The following CSMD1 variants were observed in gnomAD, a reference collection of about 807,000 sequenced individuals.
CSMD1 encodes CUB and sushi domain-containing protein 1.
CSMD1 carries 213 observed loss-of-function variants against 417.5 expected under a neutral mutation model. The ratio of observed to expected loss-of-function variants is 0.51; its 90% CI spans 0.46 to 0.57. The LOEUF is 0.57. Ranked by LOEUF, CSMD1 falls within the 20% of genes least tolerant of loss-of-function variation. The probability of loss-of-function intolerance (pLI) is 0.00; values close to 1 mark genes in which losing one functional copy is unlikely to be tolerated. For missense variants in CSMD1, 6,923 were observed against 4,529.7 expected, an observed-to-expected ratio of 1.53 and a Z score of -15.17; for synonymous variants, 2,862 against 1,736.8, an observed-to-expected ratio of 1.65 and a Z score of -16.11.
At chr8:3,772,891 T>A (rs538389268) in intron 5 of CSMD1, among the ~76,000 whole-genome samples, 2 of 152,076 alleles carry the variant, frequency 1.3e-5, no homozygotes, top group East Asian at 3.9e-4. Flanking sequence ...AATGAAAATA[T>A]CACAGATGAG....
chr8:4,598,494 A>G (rs965168380), intron 2 of CSMD1, among the ~76,000 whole-genome samples: 2 of 152,202 alleles, frequency 1.3e-5, no homozygotes, highest in African/African-American at 4.8e-5. Context: ...ACCACAGAAT[A>G]CCAAACTCCA....
Position 3,447,002 on chromosome 8 carries a change from A to T in CSMD1, c.1561+21710T>A, listed in dbSNP as rs183460773. Among the ~76,000 whole-genome samples the T allele has an allele frequency of 1.5e-4, 23 of 152,352 alleles. No homozygotes were observed. The East Asian group carries it at 4.2e-3, about 28-fold the overall frequency. On this transcript the variant is annotated intron_variant, in intron 12 of 69. Transcript: ENST00000635120. ...GAGTTGAAGATGTAAAGAATAAAGG[A>T]ATTGGTGAAATGTTATTTCATTTTC...
intron 3 of CSMD1, among the ~76,000 whole-genome samples, chr8:4,323,225 G>T (rs1472202798): frequency 6.6e-6 from 1 of 152,184 alleles, no homozygotes; most frequent in Non-Finnish European, 1.5e-5. Flanking sequence ...GATTGTAAGA[G>T]AAGTTAGGCA....
chr8:3,813,055 A>G lies in CSMD1; in HGVS notation c.819-59013T>C, dbSNP rs146101676. On this transcript the variant is annotated intron_variant, in intron 5 of 69. Transcript: ENST00000635120. ...GCATTTAAAAATTGAGTGTTGTATA[A>G]AGGCTGGTATACCAAGAAAATTCTA... Among the ~76,000 whole-genome samples, 217 of 151,838 alleles carry G rather than the reference A, an allele frequency of 1.4e-3. 1 individual carries two copies. The highest frequency in any genetic ancestry group is 4.5e-3 in the African/African-American group (185 of 41,378).
chr8:4,419,882 T>C (rs114000110), intron 3 of CSMD1, 71 bp downstream of exon 3: 2 of 1,064,940 alleles, frequency 1.9e-6, no homozygotes, highest in South Asian at 2.7e-5. Flanking sequence ...TTTGTCATTA[T>C]TAATCCAGTG....
intron 3 of CSMD1, among the ~76,000 whole-genome samples, chr8:4,080,681 T>C (rs1166878679): frequency 1.3e-5 from 2 of 152,116 alleles, no homozygotes; most frequent in African/African-American, 4.8e-5. Context: ...TCACTGAAAA[T>C]GGGTATTTCT....
intron 50 of CSMD1, among the ~76,000 whole-genome samples, chr8:3,031,049 T>A (rs1040413324): frequency 4.6e-5 from 7 of 151,906 alleles, no homozygotes; most frequent in Non-Finnish European, 1.0e-4. Context: ...ATAAGAAGAT[T>A]CAAATGTTTA....
At chr8:3,688,358 A>T (rs1585078049) in intron 7 of CSMD1, among the ~76,000 whole-genome samples, 1 of 152,210 alleles carries the variant, frequency 6.6e-6, no homozygotes, top group Non-Finnish European at 1.5e-5. Flanking sequence ...TTAATCATCC[A>T]GTGATATTTA....
intron 3 of CSMD1, among the ~76,000 whole-genome samples, chr8:4,187,555 A>C (rs1053150045): frequency 6.6e-6 from 1 of 151,650 alleles, no homozygotes; most frequent in African/African-American, 2.4e-5. Flanking sequence ...CAGGTAGGAG[A>C]ATCGCCTGAA....
At chr8:3,009,508 A>G (rs937092446) in intron 52 of CSMD1, among the ~76,000 whole-genome samples, 8 of 152,220 alleles carry the variant, frequency 5.3e-5, no homozygotes, top group Admixed American at 2.0e-4. Flanking sequence ...GTATTAACAA[A>G]TGGTCATAAA....
At chr8:3,926,091 A>ACACACACACACAAACAC (rs1809673442) in intron 5 of CSMD1, among the ~76,000 whole-genome samples, 2 of 42,128 alleles carry the variant, frequency 4.7e-5, no homozygotes, top group African/African-American at 5.3e-4. Context: ...ATACACACAC[A>ACACACACACACAAACAC]CACACACACA....
At chr8:3,996,154 C>A (rs941304473) in intron 5 of CSMD1, among the ~76,000 whole-genome samples, 1 of 151,556 alleles carries the variant, frequency 6.6e-6, no homozygotes. Flanking sequence ...ATCATAGGTT[C>A]TAGAATCACT....
intron 3 of CSMD1, among the ~76,000 whole-genome samples, chr8:4,337,752 G>A (rs572605535): frequency 3.1e-4 from 47 of 152,242 alleles, no homozygotes; most frequent in Non-Finnish European, 5.9e-4. Context: ...TAGTAGTACA[G>A]CCTTTACATT....
At chr8:3,901,814 C>A (rs1279815289) in intron 5 of CSMD1, among the ~76,000 whole-genome samples, 4 of 152,248 alleles carry the variant, frequency 2.6e-5, no homozygotes, top group Admixed American at 1.3e-4. Context: ...GGGGTGTTCA[C>A]AAGTATTCTT....
intron 3 of CSMD1, among the ~76,000 whole-genome samples, chr8:4,322,560 G>A (rs1006505337): frequency 3.9e-5 from 6 of 152,188 alleles, no homozygotes; most frequent in Non-Finnish European, 8.8e-5. Context: ...AAGAGAGTAA[G>A]TAAGATTTTG....
chr8:3,803,589 G>C (rs1563096368), intron 5 of CSMD1, among the ~76,000 whole-genome samples: 1 of 152,192 alleles, frequency 6.6e-6, no homozygotes, highest in Non-Finnish European at 1.5e-5. Flanking sequence ...TCATGAAGGA[G>C]AACAAAGACC....
At chr8:4,331,622 G>A (rs776051580) in intron 3 of CSMD1, among the ~76,000 whole-genome samples, 14 of 152,076 alleles carry the variant, frequency 9.2e-5, no homozygotes, top group African/African-American at 3.1e-4. Flanking sequence ...GCTTTCTTCT[G>A]TCATGAAAGC....
chr8:4,063,523 G>C (rs781279748), intron 3 of CSMD1, among the ~76,000 whole-genome samples: 8 of 152,268 alleles, frequency 5.3e-5, no homozygotes, highest in Non-Finnish European at 8.8e-5. Flanking sequence ...GTGTGCCACA[G>C]TTTTAATACC....
intron 1 of CSMD1, among the ~76,000 whole-genome samples, chr8:4,899,281 A>G (rs550215331): frequency 6.6e-6 from 1 of 152,338 alleles, no homozygotes; most frequent in African/African-American, 2.4e-5. Flanking sequence ...CATTATAAGC[A>G]AAACATAACA....
Sources: allele counts gnomAD v4.1 joint callset (sites outside exome capture counted in the v4.1 genomes callset), GRCh38; gene constraint gnomAD v4.1.1; transcripts MANE v1.5; gene names NCBI Gene and HGNC (gene_info 2026-07-23, HGNC 2026-07-21).